The following CDK5RAP2 variants were observed in gnomAD, a reference collection of about 807,000 sequenced individuals.
CDK5RAP2 encodes CDK5 regulatory subunit associated protein 2.
CDK5RAP2 carries 147 observed loss-of-function variants against 232.9 expected under a neutral mutation model. The observed-to-expected ratio is 0.63, with a 90% CI of 0.55 to 0.72. The LOEUF (loss-of-function observed/expected upper bound fraction) is 0.72. Among genes scored for constraint, CDK5RAP2 ranks in the 30% least tolerant of loss-of-function variants. The pLI, the probability that CDK5RAP2 is intolerant of heterozygous loss-of-function variation, is 0.00. For missense variants in CDK5RAP2, 2,195 were observed against 2,231.5 expected (o/e 0.98, Z 0.33); for synonymous variants, 833 against 833.7 (o/e 1.00, Z 0.01).
At chr9:120,478,449 G>A (rs181803745) in intron 14 of CDK5RAP2, among the ~76,000 whole-genome samples, 1 of 152,158 alleles carries the variant, frequency 6.6e-6, no homozygotes, top group African/African-American at 2.4e-5. Context: ...AAATTCCAGA[G>A]ATGTAATATA....
intron 28 of CDK5RAP2, 47 bp from the exon 29 acceptor site, chr9:120,411,521 A>G: frequency 9.9e-7 from 1 of 1,006,160 alleles, no homozygotes; most frequent in Non-Finnish European, 1.6e-6. Flanking sequence ...TCTCCAGATC[A>G]GTATAGACAG....
intron 4 of CDK5RAP2, among the ~76,000 whole-genome samples, chr9:120,546,614 CTTTTGTTT>C (rs566536271): frequency 1.7e-3 from 264 of 152,206 alleles, no homozygotes; most frequent in East Asian, 0.014. Flanking sequence ...GGAAATCTCC[CTTTTGTTT>C]TTTTGTTTTT....
At chr9:120,453,922 G>A (rs2036613450) in intron 20 of CDK5RAP2, 49 bp from the exon 21 acceptor site, 1 of 1,588,346 alleles carries the variant, frequency 6.3e-7, no homozygotes, top group Non-Finnish European at 8.6e-7. Flanking sequence ...TTTCTGCTAG[G>A]CCTTGTCCCC....
In CDK5RAP2 at chr9:120,453,502, GGC is replaced by G. The variant is rs2036585147; in HGVS notation, c.2745_2746del (p.Pro916TrpfsTer18). 1.2e-6 allele frequency: 2 copies of G among 1,613,466 alleles called. No individual in the cohort carries two copies. Among genetic ancestry groups the G allele is most frequent in the African/African-American group, 2.7e-5 (2 of 74,944 alleles). ...GGAAAGGAGGGCAGCCTGCCACCCA[GGC>G]ACCCCGTGCAGGTTCTCTGGCCGAT... On this transcript the variant is annotated frameshift_variant, in exon 21 of 38. Transcript: ENST00000349780. LOFTEE classifies it high-confidence loss of function.
intron 12 of CDK5RAP2, among the ~76,000 whole-genome samples, chr9:120,514,993 T>C (rs1319005903): frequency 6.6e-6 from 1 of 152,092 alleles, no homozygotes; most frequent in East Asian, 1.9e-4. Context: ...TATACAGCAA[T>C]TTCAAATGAT....
At chr9:120,486,409 TAAA>T (rs34029371) in intron 14 of CDK5RAP2, among the ~76,000 whole-genome samples, 4 of 132,836 alleles carry the variant, frequency 3.0e-5, no homozygotes, top group Non-Finnish European at 3.3e-5. Flanking sequence ...GTTTTTCTTT[TAAA>T]AAAAAAAAAA....
intron 14 of CDK5RAP2, among the ~76,000 whole-genome samples, chr9:120,480,504 C>T (rs188469061): frequency 3.9e-4 from 60 of 152,260 alleles, no homozygotes; most frequent in Admixed American, 1.3e-3. Context: ...TTCATAGCTA[C>T]GGCAGTTACT....
Position 120,473,511 on chromosome 9 carries a change from G to C in CDK5RAP2, c.1728-1633C>G, listed in dbSNP as rs148912118. On this transcript the variant is annotated intron_variant, in intron 15 of 37. Coordinates refer to ENST00000349780, the MANE Select transcript of CDK5RAP2 (RefSeq NM_018249.6). The stretch of plus-strand genomic sequence containing the variant: ...TCAGAGACTTCCAGCTCCATCCATC[G>C]GACTGCACACATAAATCAACACACA... Among the ~76,000 whole-genome samples, 5 of 152,118 alleles carry C rather than the reference G, an allele frequency of 3.3e-5. No homozygotes were observed. The East Asian group carries it at 9.6e-4, about 29-fold the overall frequency.
At chr9:120,400,243 T>G (rs948752132) in intron 35 of CDK5RAP2, among the ~76,000 whole-genome samples, 27 of 152,146 alleles carry the variant, frequency 1.8e-4, no homozygotes. Flanking sequence ...CTGTCATTCC[T>G]AAGTACTTAA....
intron 35 of CDK5RAP2, among the ~76,000 whole-genome samples, chr9:120,395,352 AC>A (rs1474905519): frequency 1.3e-5 from 2 of 152,244 alleles, no homozygotes; most frequent in African/African-American, 4.8e-5. Context: ...GATTTTAAAA[AC>A]TTTTCAATGT....
chr9:120,395,752 T>C (rs2032409845), intron 35 of CDK5RAP2, among the ~76,000 whole-genome samples: 1 of 152,126 alleles, frequency 6.6e-6, no homozygotes, highest in African/African-American at 2.4e-5. Context: ...CCATGAAATA[T>C]GTGTATTAAA....
intron 3 of CDK5RAP2, among the ~76,000 whole-genome samples, chr9:120,552,822 A>G (rs1214674513): frequency 1.3e-5 from 2 of 151,920 alleles, no homozygotes; most frequent in Non-Finnish European, 2.9e-5. Context: ...GTGCACATGT[A>G]CCCTAAAACT....
At position 120,458,463 on chromosome 9, in the gene CDK5RAP2, A is replaced by G. The variant is rs1160277837; in HGVS notation, c.2362T>C (p.Leu788=). The change falls in exon 20 of 38, where the codon TTA becomes CTA. Residue 788 remains leucine (L), a synonymous_variant. Transcript: ENST00000349780. ...APLFNEKATL[L]LESRPDLLKV... is the part of the protein sequence containing the mutation. ...CCCCATGTATACCTGGATTCCAGTA[A>G]TAATGTGGCCTTCTCATTGAACAAA... 2 of 1,614,062 alleles carry G rather than the reference A, an allele frequency of 1.2e-6. No individual in the cohort carries two copies. The highest frequency in any genetic ancestry group is 2.7e-5 in the African/African-American group (2 of 74,936).
chr9:120,430,339 A>G (rs2035206102), intron 25 of CDK5RAP2, among the ~76,000 whole-genome samples: 1 of 152,104 alleles, frequency 6.6e-6, no homozygotes, highest in Non-Finnish European at 1.5e-5. Context: ...ACAAAATGGG[A>G]GAAAATTTTT....
intron 5 of CDK5RAP2, among the ~76,000 whole-genome samples, chr9:120,539,629 A>G (rs1333819358): frequency 6.6e-6 from 1 of 152,242 alleles, no homozygotes; most frequent in East Asian, 1.9e-4. Context: ...ACGATACTCA[A>G]AGTTCTGACA....
At chr9:120,455,074 C>T (rs1170117652) in intron 20 of CDK5RAP2, among the ~76,000 whole-genome samples, 1 of 152,128 alleles carries the variant, frequency 6.6e-6, no homozygotes, top group African/African-American at 2.4e-5. Flanking sequence ...TTGTGCTGGG[C>T]ACTGCAGTGG....
intron 12 of CDK5RAP2, among the ~76,000 whole-genome samples, chr9:120,493,174 T>C (rs2038990087): frequency 6.6e-6 from 1 of 152,170 alleles, no homozygotes. Context: ...AGGAACTGAC[T>C]CTCCTCTAGA....
At chr9:120,574,146 T>C (rs866876362) in intron 1 of CDK5RAP2, among the ~76,000 whole-genome samples, 30 of 152,212 alleles carry the variant, frequency 2.0e-4, no homozygotes, top group South Asian at 2.1e-4. Flanking sequence ...AAAAATGACA[T>C]CTGACATCCC....
chr9:120,445,422 C>T (rs1275560581), intron 22 of CDK5RAP2, among the ~76,000 whole-genome samples: 1 of 152,204 alleles, frequency 6.6e-6, no homozygotes, highest in Non-Finnish European at 1.5e-5. Context: ...TCCTTCTCTA[C>T]ATTGCTTTAC....
Sources: gnomAD v4.1 joint callset for allele counts (sites outside exome capture counted in the v4.1 genomes callset) on GRCh38, gnomAD v4.1.1 for gene constraint, MANE v1.5 for transcripts, NCBI Gene and HGNC (gene_info 2026-07-23, HGNC 2026-07-21) for gene names.